The following CDYL variants were observed in gnomAD, a reference collection of about 807,000 sequenced individuals.
CDYL encodes chromodomain Y-like protein.
Under a neutral mutation model 47.3 loss-of-function variants are expected in CDYL, and 8 were observed. That is an observed-to-expected ratio of 0.17 (90% confidence interval 0.10 to 0.31). The LOEUF (loss-of-function observed/expected upper bound fraction) is 0.31. Ranked by LOEUF, CDYL falls within the 10% of genes least tolerant of loss-of-function variation. The pLI is 1.00. For synonymous variants in CDYL, 266 were observed against 265.0 expected, an observed-to-expected ratio of 1.00 and a Z score of -0.04; for missense variants, 471 against 701.4, an observed-to-expected ratio of 0.67 and a Z score of 3.71.
chr6:4,763,594 A>G (rs1287940915), intron 3 of CDYL, among the ~76,000 whole-genome samples: 4 of 152,224 alleles, frequency 2.6e-5, no homozygotes, highest in Non-Finnish European at 5.9e-5. Flanking sequence ...ATTACTGTAT[A>G]TATTTTAAAG....
intron 2 of CDYL, among the ~76,000 whole-genome samples, chr6:4,723,740 C>G (rs140887862): frequency 4.6e-5 from 7 of 152,308 alleles, no homozygotes; most frequent in Non-Finnish European, 8.8e-5. Flanking sequence ...AGTCTGAAGG[C>G]ACACAAACAA....
chr6:4,952,861 G>A (rs778087666), intron 6 of CDYL, among the ~76,000 whole-genome samples: 2 of 152,000 alleles, frequency 1.3e-5, no homozygotes, highest in African/African-American at 2.4e-5. Context: ...TCAACCTCCC[G>A]GGTTCAAGTG....
chr6:4,866,427 A>T (rs1761324818), intron 1 of CDYL, among the ~76,000 whole-genome samples: 1 of 152,180 alleles, frequency 6.6e-6, no homozygotes, highest in South Asian at 2.1e-4. Flanking sequence ...AGAAGGTCAC[A>T]TCTACAGGAA....
At chr6:4,877,453 A>T (rs1761650823) in intron 1 of CDYL, among the ~76,000 whole-genome samples, 1 of 152,206 alleles carries the variant, frequency 6.6e-6, no homozygotes, top group East Asian at 1.9e-4. Flanking sequence ...TAAAAACGTC[A>T]TCGCTTTAGC....
At position 4,724,279 on chromosome 6, in the gene CDYL, G is replaced by A. The variant is rs1757442432; in HGVS notation, c.103+8398G>A. The A allele has an allele frequency of 2.0e-5, 3 of 151,854 alleles. No homozygotes were observed. In the South Asian group the frequency reaches 6.2e-4, roughly 32 times the overall value. 9.4% of individuals were successfully genotyped at this position (151,854 alleles called of 1,614,324 possible). ...TTGGCCCGGCTGGTCTCAAACTCCT[G>A]ACTTCATATAATCCACCCACCTTGG... is the stretch of plus-strand genomic sequence containing the variant. On this transcript the variant is annotated intron_variant, in intron 2 of 8. Transcript: ENST00000328908.
intron 2 of CDYL, among the ~76,000 whole-genome samples, chr6:4,892,785 G>A (rs1016095018): frequency 3.3e-5 from 5 of 152,170 alleles, no homozygotes; most frequent in African/African-American, 1.2e-4. Flanking sequence ...TTCTTATTTT[G>A]CTCATCTGTG....
At chr6:4,874,125 C>T (rs1352885149) in intron 1 of CDYL, among the ~76,000 whole-genome samples, 2 of 152,120 alleles carry the variant, frequency 1.3e-5, no homozygotes, top group Admixed American at 6.5e-5. Flanking sequence ...CTCTGTAAGC[C>T]TTACAGACAG....
At chr6:4,947,827 G>A (rs999275360) in intron 5 of CDYL, among the ~76,000 whole-genome samples, 3 of 152,178 alleles carry the variant, frequency 2.0e-5, no homozygotes, top group South Asian at 2.1e-4. Context: ...GCCTCACGGC[G>A]GTTCCCGGTG....
chr6:4,891,261 G>A (rs1762032869), intron 1 of CDYL, among the ~76,000 whole-genome samples: 1 of 152,084 alleles, frequency 6.6e-6, no homozygotes, highest in African/African-American at 2.4e-5. Flanking sequence ...TTTCTTTGAT[G>A]GCAGTTTCAC....
intron 1 of CDYL, among the ~76,000 whole-genome samples, chr6:4,835,475 G>A (rs899033188): frequency 2.0e-5 from 3 of 152,212 alleles, no homozygotes; most frequent in African/African-American, 4.8e-5. Context: ...ATGTCAGTCC[G>A]CCCCTACTGG....
At chr6:4,810,229 A>G (rs1759487436) in intron 1 of CDYL, among the ~76,000 whole-genome samples, 1 of 152,092 alleles carries the variant, frequency 6.6e-6, no homozygotes, top group Non-Finnish European at 1.5e-5. Context: ...TGTTGTTTGC[A>G]TTGTACTTCC....
At chr6:4,923,759 G>A (rs1581267501) in intron 2 of CDYL, among the ~76,000 whole-genome samples, 1 of 152,204 alleles carries the variant, frequency 6.6e-6, no homozygotes, top group East Asian at 1.9e-4. Flanking sequence ...AAATTAGCCA[G>A]GCATGGTGGC....
At chr6:4,875,696 A>G (rs541409951) in intron 1 of CDYL, among the ~76,000 whole-genome samples, 1 of 152,236 alleles carries the variant, frequency 6.6e-6, no homozygotes, top group East Asian at 1.9e-4. Flanking sequence ...AGAATTTTTA[A>G]ATTGAGAATG....
At chr6:4,899,238 A>G (rs1756936091) in intron 2 of CDYL, among the ~76,000 whole-genome samples, 1 of 152,210 alleles carries the variant, frequency 6.6e-6, no homozygotes, top group Admixed American at 6.5e-5. Flanking sequence ...GAGGAAGGAG[A>G]GCGTTCCCTC....
intron 1 of CDYL, among the ~76,000 whole-genome samples, chr6:4,833,283 C>T (rs1249210938): frequency 2.7e-5 from 4 of 147,694 alleles, no homozygotes; most frequent in African/African-American, 1.0e-4. Context: ...TCTTTGTTCT[C>T]GTTGGTTTCA....
intron 3 of CDYL, among the ~76,000 whole-genome samples, chr6:4,757,696 G>A (rs11961805): frequency 0.13 from 19,397 of 152,048 alleles, 1,554 homozygotes; most frequent in South Asian, 0.24. Context: ...TCTATTTTTC[G>A]TATAACTTTT....
chr6:4,911,713 C>G (rs927829423), intron 2 of CDYL, among the ~76,000 whole-genome samples: 1 of 152,134 alleles, frequency 6.6e-6, no homozygotes, highest in African/African-American at 2.4e-5. Flanking sequence ...AATTATTTAA[C>G]TTTAAATAAC....
intron 2 of CDYL, among the ~76,000 whole-genome samples, chr6:4,927,696 A>G (rs968596274): frequency 2.0e-5 from 3 of 152,224 alleles, no homozygotes; most frequent in Non-Finnish European, 4.4e-5. Flanking sequence ...GATTGATTCC[A>G]GGCGTGAGCC....
At chr6:4,751,606 G>C (rs1388785408) in intron 3 of CDYL, among the ~76,000 whole-genome samples, 1 of 152,180 alleles carries the variant, frequency 6.6e-6, no homozygotes, top group Non-Finnish European at 1.5e-5. Flanking sequence ...AGTAAGAATA[G>C]GATGAACACC....
Sources: allele counts gnomAD v4.1 joint callset (sites outside exome capture counted in the v4.1 genomes callset), GRCh38; gene constraint gnomAD v4.1.1; transcripts MANE v1.5; gene names NCBI Gene and HGNC (gene_info 2026-07-23, HGNC 2026-07-21).